HMCN2: variants seen among roughly 807,000 people sequenced by gnomAD.
The protein encoded by HMCN2 is hemicentin-2.
In HMCN2, 325 loss-of-function variants were observed where a neutral mutation model predicts 377.5. The observed-to-expected ratio is 0.86, with a 90% CI of 0.79 to 0.94. The LOEUF is 0.94. HMCN2 is among the 40% of genes least tolerant of loss of function. The probability of loss-of-function intolerance (pLI) is 0.00; values close to 1 mark genes in which losing one functional copy is unlikely to be tolerated. For synonymous variants in HMCN2, 2,007 were observed against 2,046.8 expected (o/e 0.98, Z 0.53); for missense variants, 4,543 against 4,725.3 (o/e 0.96, Z 1.13).
rs533439601 is a variant in HMCN2 at position 130,414,439 on chromosome 9, C to T, written c.12961+3787C>T. On this transcript the variant is annotated intron_variant, in intron 85 of 97. Transcript: ENST00000683500. The surrounding 1 kb of genome is among the most constrained non-coding windows in gnomAD (Gnocchi z 4.4). Reference sequence around the variant, plus strand: ...ACTTTTTCTTGGCAGTTTTATAGCTCTGCCAAAAACGGAAGATTTAAATAA... The same window carrying T: ...ACTTTTTCTTGGCAGTTTTATAGCTTTGCCAAAAACGGAAGATTTAAATAA... 6.6e-6 allele frequency among the ~76,000 whole-genome samples: 1 copy of T among 152,248 alleles called. No homozygotes were observed. Among genetic ancestry groups the T allele is most frequent in the African/African-American group, 2.4e-5 (1 of 41,546 alleles).
In HMCN2 at chr9:130,369,061, A is replaced by G. The variant is rs773833394; in HGVS notation, c.6788-509A>G. Among the ~76,000 whole-genome samples, 6 of 152,162 alleles carry G rather than the reference A, an allele frequency of 3.9e-5. No homozygotes were observed. The highest frequency in any genetic ancestry group is 4.8e-5 in the African/African-American group (2 of 41,420). ...CAGTGGTCCAGAGGAGAAAAGCCAC[A>G]TCTGAAACAGCTGGAAACCCGAAAG... is the stretch of plus-strand genomic sequence containing the variant. On this transcript the variant is annotated intron_variant, in intron 44 of 97. Coordinates refer to ENST00000683500, the MANE Select transcript of HMCN2 (RefSeq NM_001291815.2). The surrounding 1 kb of genome is among the most constrained non-coding windows in gnomAD (Gnocchi z 4.5).
Position 130,393,781 on chromosome 9 carries a change from T to C in HMCN2, c.10274T>C (p.Val3425Ala). Residue 3425 changes from valine (V) to alanine (A), a missense_variant, in exon 68 of 98, where the codon GTG becomes GCG. This residue lies in a region of HMCN2 where 1,073 missense variants were observed against 1,319.5 expected (regional missense o/e 0.81). Transcript: ENST00000683500. This position sits in a 1 kb window ranked among gnomAD's most constrained non-coding sequence, Gnocchi z 5.2. ...GAGCCGGTGGAGTTCCAGAATGACG[T>C]GGTGGTGGTTCGTGGCTCCCTGGTG... ...VLEPVEFQND[V>A]VVVRGSLVEL... 7.8e-7 allele frequency: 1 copy of C among 1,280,960 alleles called. No individual in the cohort carries two copies. Among genetic ancestry groups the C allele is most frequent in the Non-Finnish European group, 1.0e-6 (1 of 984,450 alleles). The allele number at this position is 1,280,960 out of a possible 1,614,324, so 79.3% of individuals were successfully genotyped here.
rs36122739 is a variant in HMCN2 at position 130,267,435 on chromosome 9, A to AACACAC, written c.259+1335_259+1340dup. Among the ~76,000 whole-genome samples the AACACAC allele has an allele frequency of 6.8e-3, 989 of 145,892 alleles. 8 individuals carry two copies. The highest frequency in any genetic ancestry group is 0.01 in the Non-Finnish European group (700 of 66,766). ...ACAAACAAACAACCCCCCCAAATAAAACACACACACACACACACACACACA... is the reference window on the plus strand; with the variant it reads ...ACAAACAAACAACCCCCCCAAATAAAACACACACACACACACACACACACACACACA... On this transcript the variant is annotated intron_variant, in intron 1 of 97. Transcript: ENST00000683500.
At chr9:130,391,904 C>T (rs762432501) in intron 65 of HMCN2, 31 bp from the exon 66 acceptor site, 11 of 982,360 alleles carry the variant, frequency 1.1e-5, no homozygotes, top group Non-Finnish European at 1.2e-5. Context: ...AAGACCTCCG[C>T]ACTACCCCTC....
At chr9:130,386,320 C>A in intron 60 of HMCN2, 123 bp from the exon 61 acceptor site, 1 of 418,392 alleles carries the variant, frequency 2.4e-6, no homozygotes, top group Non-Finnish European at 4.2e-6. Flanking sequence ...GCTCCCCAGT[C>A]AGGACCAGCA....
At chr9:130,401,010 G>T in intron 77 of HMCN2, 63 bp downstream of exon 77, 11 of 1,223,002 alleles carry the variant, frequency 9.0e-6, no homozygotes, top group Non-Finnish European at 9.5e-6. Flanking sequence ...AGGCAGAGGG[G>T]GTGAAAGGTC....
intron 85 of HMCN2, among the ~76,000 whole-genome samples, chr9:130,413,627 A>G (rs1843532606): frequency 6.6e-6 from 1 of 152,220 alleles, no homozygotes; most frequent in Non-Finnish European, 1.5e-5. Flanking sequence ...CCTGAGGAGC[A>G]GCATGGTGGT....
chr9:130,363,127 A>G (rs1840473909), intron 40 of HMCN2, 137 bp downstream of exon 40: 1 of 642,592 alleles, frequency 1.6e-6, no homozygotes. Flanking sequence ...GCCTTCCAGT[A>G]GGAATCAGTG....
At chr9:130,431,114 G>A in intron 95 of HMCN2, 1 of 566,228 alleles carries the variant, frequency 1.8e-6, no homozygotes, top group Non-Finnish European at 3.2e-6. Flanking sequence ...TGGACGGAGG[G>A]GTCTGCGGGG....
Position 130,308,073 on chromosome 9 carries a change from C to G in HMCN2, c.2200+507C>G, listed in dbSNP as rs1385539623. Among the ~76,000 whole-genome samples the G allele has an allele frequency of 6.6e-6, 1 of 152,142 alleles. No individual in the cohort carries two copies. Among genetic ancestry groups the G allele is most frequent in the Admixed American group, 6.5e-5 (1 of 15,282 alleles). The stretch of plus-strand genomic sequence containing the variant: ...CTGGGTTCAAGGGATTCTCGTGCCT[C>G]AGCCTCTGGAGTAGCTGGAATTATA... On this transcript the variant is annotated intron_variant, in intron 14 of 97. Transcript: ENST00000683500. The surrounding 1 kb of genome is among the most constrained non-coding windows in gnomAD (Gnocchi z 4.1).
chr9:130,388,660 C>A, intron 62 of HMCN2, 120 bp downstream of exon 62: 2 of 605,440 alleles, frequency 3.3e-6, no homozygotes, highest in Non-Finnish European at 4.1e-6. Context: ...CAGAGACTGG[C>A]AGTGCCGTGT....
At position 130,349,060 on chromosome 9, in the gene HMCN2, C is replaced by G. The variant is rs1447006395; in HGVS notation, c.4232C>G (p.Ser1411Cys). 7.7e-7 allele frequency: 1 copy of G among 1,304,240 alleles called. No individual in the cohort carries two copies. The highest frequency in any genetic ancestry group is 5.6e-5 in the East Asian group (1 of 18,016). The allele number at this position is 1,304,240 out of a possible 1,614,324, so 80.8% of individuals were successfully genotyped here. A position where few individuals can be genotyped will look rare whatever the true frequency, so the allele number is the denominator to read the frequency against. The change falls in exon 28 of 98, where the codon TCT (serine) becomes TGT (cysteine). Residue 1411 changes from serine (S) to cysteine (C), a missense_variant. This residue lies in a region of HMCN2 where 1,032 missense variants were observed against 1,285.1 expected (regional missense o/e 0.80). Coordinates refer to ENST00000683500, the MANE Select transcript of HMCN2 (RefSeq NM_001291815.2). The part of the protein sequence containing the change: ...LHFPRIQEGD[S>C]GLYSCRAENQ... ...TTCCCCAGGATCCAGGAGGGTGATT[C>G]TGGGCTCTACTCCTGCCGGGCAGAG...
At position 130,270,900 on chromosome 9, in the gene HMCN2, C is replaced by T. The variant is rs1834375345; in HGVS notation, c.259+4763C>T. Among the ~76,000 whole-genome samples, 2 of 148,642 alleles carry T rather than the reference C, an allele frequency of 1.3e-5. 1 individual carries two copies. The highest frequency in any genetic ancestry group is 3.0e-5 in the Non-Finnish European group (2 of 66,248). ...GCCTTCCTCAGTTTTTCTTTAATGC[C>T]CTTTTTCTGCTCCAGGATCCCATCC... On this transcript the variant is annotated intron_variant, in intron 1 of 97. Transcript: ENST00000683500.
chr9:130,404,623 G>A (rs1051334649), intron 80 of HMCN2, among the ~76,000 whole-genome samples: 7 of 152,260 alleles, frequency 4.6e-5, no homozygotes, highest in Non-Finnish European at 7.3e-5. Context: ...GCGTGTATAT[G>A]TGCATGCATG....
chr9:130,429,933 ATCTTCC>A, intron 94 of HMCN2: 3 of 689,290 alleles, frequency 4.4e-6, no homozygotes, highest in South Asian at 2.3e-5. Flanking sequence ...CTGTGGGGTC[ATCTTCC>A]GGGGAATTTC....
intron 8 of HMCN2, among the ~76,000 whole-genome samples, chr9:130,300,378 G>A (rs1324029346): frequency 1.3e-5 from 2 of 152,236 alleles, no homozygotes; most frequent in Non-Finnish European, 2.9e-5. Context: ...GGGCAGACAT[G>A]GACTTTTGCT....
chr9:130,391,061 C>A lies in HMCN2; in HGVS notation c.9608C>A (p.Thr3203Lys). 3.0e-6 allele frequency: 3 copies of A among 987,980 alleles called. No individual in the cohort carries two copies. Among genetic ancestry groups the A allele is most frequent in the Non-Finnish European group, 3.6e-6 (3 of 830,374 alleles). The allele number at this position is 987,980 out of a possible 1,614,324, so 61.2% of individuals were successfully genotyped here. A position where few individuals can be genotyped will look rare whatever the true frequency, so the allele number is the denominator to read the frequency against. The change falls in exon 63 of 98, where the codon ACG becomes AAG. Residue 3203 changes from threonine (T) to lysine (K), a missense_variant. Around this residue, in one of 5 missense-constraint regions of HMCN2, gnomAD observed 736 missense variants for 773.2 expected, o/e 0.95. Coordinates refer to ENST00000683500, the MANE Select transcript of HMCN2 (RefSeq NM_001291815.2). ...RLQPAQAGTY[T>K]CVAENTQAEA... ...CAACCGGCCCAGGCGGGCACCTACA[C>A]GTGCGTGGCTGAGAACACCCAGGCT...
intron 52 of HMCN2, 107 bp from the exon 53 acceptor site, chr9:130,377,542 A>G (rs1841456857): frequency 1.7e-6 from 1 of 582,500 alleles, no homozygotes; most frequent in Non-Finnish European, 2.2e-6. Flanking sequence ...TTGTCACTTT[A>G]TGCTGCATTT....
Position 130,430,610 on chromosome 9 carries a change from G to A in HMCN2, c.14647+6G>A. 1 of 1,543,690 alleles carries A rather than the reference G, an allele frequency of 6.5e-7. No individual in the cohort carries two copies. Among genetic ancestry groups the A allele is most frequent in the South Asian group, 1.2e-5 (1 of 83,616 alleles). On this transcript the variant is annotated splice_donor_region_variant and intron_variant, in intron 95 of 97. Coordinates refer to ENST00000683500, the MANE Select transcript of HMCN2 (RefSeq NM_001291815.2). ...GCAGAACGGAGTCTGCACAGGTAAG[G>A]CCAGGCCCTGACCATCCACGGGACA...
Sources: allele counts gnomAD v4.1 joint callset (sites outside exome capture counted in the v4.1 genomes callset), GRCh38; gene constraint gnomAD v4.1.1; regional missense constraint gnomAD v4.1.1; non-coding constraint Gnocchi (gnomAD v3.1); transcripts MANE v1.5; gene names NCBI Gene and HGNC (gene_info 2026-07-23, HGNC 2026-07-21).